Variants in NCOA2 observed in about 807,000 individuals in gnomAD.
The protein encoded by NCOA2 is nuclear receptor coactivator 2.
Under a neutral mutation model 145.1 loss-of-function variants are expected in NCOA2, and 21 were observed. The observed-to-expected ratio is 0.14, with a 90% CI of 0.10 to 0.21. The LOEUF is 0.21. Among genes scored for constraint, NCOA2 ranks in the 10% least tolerant of loss-of-function variants. NCOA2 has a pLI of 1.00. For missense variants in NCOA2, 1,472 were observed against 1,837.6 expected (o/e 0.80, Z 3.64); for synonymous variants, 619 against 637.5 (o/e 0.97, Z 0.44).
intron 1 of NCOA2, among the ~76,000 whole-genome samples, chr8:70,369,265 G>A (rs530846423): frequency 5.6e-4 from 86 of 152,284 alleles, no homozygotes; most frequent in African/African-American, 1.9e-3. Context: ...GAAACATTTG[G>A]AAGATGTCCA....
chr8:70,352,663 C>T (rs568039265), intron 1 of NCOA2, among the ~76,000 whole-genome samples: 3 of 152,300 alleles, frequency 2.0e-5, no homozygotes, highest in South Asian at 4.1e-4. Context: ...ATACATTTCA[C>T]ACCATGAACC....
At chr8:70,132,448 G>A (rs1455692325) in intron 15 of NCOA2, among the ~76,000 whole-genome samples, 1 of 152,242 alleles carries the variant, frequency 6.6e-6, no homozygotes, top group Non-Finnish European at 1.5e-5. Context: ...CCACCTGGGA[G>A]AAATGAGAGA....
rs545790317 is a variant in NCOA2, at chr8:70,117,573, A to T, written c.4383+3729T>A. Among the ~76,000 whole-genome samples, 8 of 152,354 alleles carry T rather than the reference A, an allele frequency of 5.3e-5. No individual in the cohort carries two copies. In the East Asian group the frequency reaches 1.3e-3, roughly 26 times the overall value. ...AATAGAGAAGGGAGTGGCACCAAAG[A>T]AGAAAATTATCCATTGTTGGCCTTC... is the stretch of plus-strand genomic sequence containing the variant. On this transcript the variant is annotated intron_variant, in intron 22 of 22. Coordinates refer to ENST00000452400, the MANE Select transcript of NCOA2 (RefSeq NM_006540.4).
At chr8:70,266,258 G>A (rs1488603382) in intron 2 of NCOA2, among the ~76,000 whole-genome samples, 7 of 152,216 alleles carry the variant, frequency 4.6e-5, no homozygotes, top group African/African-American at 1.4e-4. Flanking sequence ...AAACTCCTGG[G>A]CTCAAGTGAT....
chr8:70,218,390 G>A (rs891035749), intron 2 of NCOA2, among the ~76,000 whole-genome samples: 2 of 152,038 alleles, frequency 1.3e-5, no homozygotes, highest in East Asian at 3.9e-4. Context: ...CCCACACTGT[G>A]GTCACAATTT....
At chr8:70,273,618 T>C (rs1198048849) in intron 2 of NCOA2, 2 of 743,362 alleles carry the variant, frequency 2.7e-6, no homozygotes, top group Non-Finnish European at 4.8e-6. Context: ...GTGAACACTT[T>C]CACCATTACA....
intron 1 of NCOA2, among the ~76,000 whole-genome samples, chr8:70,337,295 G>C (rs1807695837): frequency 6.6e-6 from 1 of 151,932 alleles, no homozygotes; most frequent in Non-Finnish European, 1.5e-5. Flanking sequence ...AGAAACTCCT[G>C]CCAACATGTC....
At chr8:70,232,372 A>T (rs2977987) in intron 2 of NCOA2, among the ~76,000 whole-genome samples, 136,215 of 152,236 alleles carry the variant, frequency 0.89, 61,383 homozygotes, top group African/African-American at 0.95. Flanking sequence ...AGGGGCCCCA[A>T]AGATTTCAGG....
intron 15 of NCOA2, among the ~76,000 whole-genome samples, chr8:70,132,209 C>T (rs1809206893): frequency 6.6e-6 from 1 of 152,174 alleles, no homozygotes; most frequent in Non-Finnish European, 1.5e-5. Flanking sequence ...CAAATCTAGA[C>T]ATTTAAGGTA....
At chr8:70,345,483 G>A (rs1474356179) in intron 1 of NCOA2, among the ~76,000 whole-genome samples, 1 of 152,124 alleles carries the variant, frequency 6.6e-6, no homozygotes, top group African/African-American at 2.4e-5. Flanking sequence ...ATGAAACCTT[G>A]ACTTTTAGAA....
intron 4 of NCOA2, 31 bp from the exon 5 acceptor site, chr8:70,174,890 C>G (rs762237620): frequency 6.3e-7 from 1 of 1,577,032 alleles, no homozygotes; most frequent in South Asian, 1.1e-5. Context: ...AATTAAATGG[C>G]AGTGCTATTT....
At chr8:70,310,970 A>T (rs1805061209) in intron 1 of NCOA2, among the ~76,000 whole-genome samples, 1 of 152,190 alleles carries the variant, frequency 6.6e-6, no homozygotes, top group African/African-American at 2.4e-5. Context: ...CTGATATCAC[A>T]TTGTAAAAGA....
At chr8:70,226,710 A>G (rs1820683874) in intron 2 of NCOA2, among the ~76,000 whole-genome samples, 1 of 148,926 alleles carries the variant, frequency 6.7e-6, no homozygotes, top group Non-Finnish European at 1.5e-5. Context: ...GGGTAAACTT[A>G]TATTTATCCT....
chr8:70,133,945 C>T (rs1809447961), intron 15 of NCOA2, among the ~76,000 whole-genome samples: 1 of 152,168 alleles, frequency 6.6e-6, no homozygotes, highest in Non-Finnish European at 1.5e-5. Flanking sequence ...CCCTTGAGGC[C>T]ACGCGTCACC....
chr8:70,145,968 A>C (rs55751133), intron 12 of NCOA2, among the ~76,000 whole-genome samples: 3,813 of 152,298 alleles, frequency 0.025, 165 homozygotes, highest in African/African-American at 0.087. Flanking sequence ...GTATTTGCTA[A>C]TTAAACCAGT....
chr8:70,365,408 G>A (rs1415305904), intron 1 of NCOA2, among the ~76,000 whole-genome samples: 1 of 152,148 alleles, frequency 6.6e-6, no homozygotes, highest in Non-Finnish European at 1.5e-5. Context: ...AATATGCCCA[G>A]AGAAAGAAGT....
intron 1 of NCOA2, among the ~76,000 whole-genome samples, chr8:70,365,921 A>G (rs899339895): frequency 6.6e-6 from 1 of 152,252 alleles, no homozygotes; most frequent in African/African-American, 2.4e-5. Context: ...AACAATCACC[A>G]GCCCAACAAA....
intron 1 of NCOA2, among the ~76,000 whole-genome samples, chr8:70,319,947 T>A (rs77673024): frequency 1.3e-5 from 2 of 152,204 alleles, no homozygotes; most frequent in African/African-American, 4.8e-5. Context: ...TATTTTTAAC[T>A]GTCCGATTTG....
intron 1 of NCOA2, among the ~76,000 whole-genome samples, chr8:70,403,268 G>A (rs1041522480): frequency 4.6e-5 from 7 of 151,356 alleles, no homozygotes; most frequent in African/African-American, 1.7e-4. Context: ...ACCGGGCTGG[G>A]CAATGGGCAC....
Sources: allele counts gnomAD v4.1 joint callset (sites outside exome capture counted in the v4.1 genomes callset), GRCh38; gene constraint gnomAD v4.1.1; transcripts MANE v1.5; gene names NCBI Gene and HGNC (gene_info 2026-07-23, HGNC 2026-07-21).